LIN52: variants seen among roughly 807,000 people sequenced by gnomAD.
LIN52 encodes lin-52 DREAM MuvB core complex component.
In LIN52, 4 loss-of-function variants were observed where a neutral mutation model predicts 18.5. The observed-to-expected ratio is 0.22, with a 90% CI of 0.11 to 0.49. The LOEUF is 0.49. Ranked by LOEUF, LIN52 falls within the 20% of genes least tolerant of loss-of-function variation. The pLI, the probability that LIN52 is intolerant of heterozygous loss-of-function variation, is 0.97. For missense variants in LIN52, 102 were observed against 139.5 expected (o/e 0.73, Z 1.35); for synonymous variants, 34 against 45.5 (o/e 0.75, Z 1.02).
chr14:74,105,996 G>A (rs1202687568), intron 5 of LIN52, among the ~76,000 whole-genome samples: 3 of 152,172 alleles, frequency 2.0e-5, no homozygotes, highest in Non-Finnish European at 4.4e-5. Context: ...ATTTTGGAAT[G>A]CAGTAACTTT....
chr14:74,101,726 C>T (rs1354064675), intron 5 of LIN52, among the ~76,000 whole-genome samples: 2 of 152,162 alleles, frequency 1.3e-5, no homozygotes, highest in South Asian at 2.1e-4. Context: ...TCCCAAAGTG[C>T]TGGGATTACA....
intron 5 of LIN52, among the ~76,000 whole-genome samples, chr14:74,131,235 G>A (rs2061064987): frequency 6.6e-6 from 1 of 151,896 alleles, no homozygotes; most frequent in East Asian, 1.9e-4. Context: ...GTAAACCCTG[G>A]TGTCAGCTTA....
chr14:74,137,423 C>T (rs185189318), intron 5 of LIN52, among the ~76,000 whole-genome samples: 1 of 151,242 alleles, frequency 6.6e-6, no homozygotes, highest in Admixed American at 6.6e-5. Context: ...AGATCCAGTC[C>T]AAGTTCTGGC....
intron 5 of LIN52, among the ~76,000 whole-genome samples, chr14:74,196,967 A>G (rs2078916202): frequency 6.6e-6 from 1 of 152,194 alleles, no homozygotes; most frequent in East Asian, 1.9e-4. Flanking sequence ...CAAGAAGCCC[A>G]TGCTACCTCC....
intron 5 of LIN52, among the ~76,000 whole-genome samples, chr14:74,136,335 C>T (rs1421187287): frequency 6.6e-6 from 1 of 152,064 alleles, no homozygotes; most frequent in African/African-American, 2.4e-5. Flanking sequence ...TATGCCCAGT[C>T]AATATGTTGA....
At chr14:74,100,361 G>T (rs1293641741) in intron 4 of LIN52, among the ~76,000 whole-genome samples, 1 of 152,084 alleles carries the variant, frequency 6.6e-6, no homozygotes, top group Non-Finnish European at 1.5e-5. Context: ...AGACTGTAGT[G>T]CAGTGGTGCC....
chr14:74,201,145 G>T lies in LIN52; in HGVS notation c.*2168G>T, dbSNP rs1285009262. 1 of 152,160 alleles carries T rather than the reference G, an allele frequency of 6.6e-6. No individual in the cohort carries two copies. The highest frequency in any genetic ancestry group is 2.1e-4 in the South Asian group (1 of 4,826). 9.4% of individuals were successfully genotyped at this position (152,160 alleles called of 1,614,324 possible). On this transcript the variant is annotated 3_prime_UTR_variant, in exon 6 of 6. Transcript: ENST00000555028. The stretch of plus-strand genomic sequence containing the variant: ...TATTGATAATATAAATTTATGTACA[G>T]TATGTGTGTATATGTATTTCAGGAT...
At chr14:74,186,428 A>G (rs2061340959) in intron 5 of LIN52, among the ~76,000 whole-genome samples, 1 of 152,338 alleles carries the variant, frequency 6.6e-6, no homozygotes, top group East Asian at 1.9e-4. Context: ...CTGGGGATAC[A>G]GCAAGAGGTT....
chr14:74,103,895 T>TC (rs1426783810), intron 5 of LIN52, among the ~76,000 whole-genome samples: 3 of 149,422 alleles, frequency 2.0e-5, no homozygotes, highest in African/African-American at 7.5e-5. Flanking sequence ...GCTTTTTCTT[T>TC]CTTTTTTTTT....
At chr14:74,134,357 T>C (rs1403162973) in intron 5 of LIN52, among the ~76,000 whole-genome samples, 2 of 152,170 alleles carry the variant, frequency 1.3e-5, no homozygotes, top group Non-Finnish European at 2.9e-5. Context: ...TTGATTTGCA[T>C]TAACTTGCTA....
At chr14:74,160,670 CACTA>C (rs1265749204) in intron 5 of LIN52, among the ~76,000 whole-genome samples, 1 of 152,174 alleles carries the variant, frequency 6.6e-6, no homozygotes, top group Non-Finnish European at 1.5e-5. Flanking sequence ...GTCTACTAAA[CACTA>C]ACTAACTTAC....
intron 5 of LIN52, among the ~76,000 whole-genome samples, chr14:74,172,798 G>A (rs2061277176): frequency 6.6e-6 from 1 of 152,192 alleles, no homozygotes; most frequent in African/African-American, 2.4e-5. Context: ...GGACTGAATG[G>A]CAACCATGTA....
intron 4 of LIN52, among the ~76,000 whole-genome samples, chr14:74,099,586 TTGTG>T (rs148601338): frequency 2.7e-4 from 40 of 149,458 alleles, no homozygotes; most frequent in Middle Eastern, 7.0e-3. Context: ...AGTATTGTCT[TTGTG>T]TGTGTGTGTG....
chr14:74,144,975 A>G (rs971158718), intron 5 of LIN52, among the ~76,000 whole-genome samples: 1 of 152,220 alleles, frequency 6.6e-6, no homozygotes, highest in Non-Finnish European at 1.5e-5. Flanking sequence ...TAACCTTGAA[A>G]ACAAGGCACG....
intron 5 of LIN52, among the ~76,000 whole-genome samples, chr14:74,138,293 A>G (rs1379262007): frequency 2.0e-5 from 3 of 152,232 alleles, no homozygotes; most frequent in Non-Finnish European, 2.9e-5. Flanking sequence ...ATATTTGTAT[A>G]TAAGAGGAAA....
chr14:74,102,652 G>A (rs2060866036), intron 5 of LIN52, among the ~76,000 whole-genome samples: 1 of 152,122 alleles, frequency 6.6e-6, no homozygotes, highest in East Asian at 1.9e-4. Context: ...TCTAGCTTTG[G>A]ATAATAAATG....
chr14:74,091,098 T>C (rs1381861624), intron 1 of LIN52, 134 bp from the exon 2 acceptor site: 1 of 556,204 alleles, frequency 1.8e-6, no homozygotes, highest in Admixed American at 2.8e-5. Flanking sequence ...CACGGACCAG[T>C]GGCATCAATA....
chr14:74,153,173 C>G (rs906974618), intron 5 of LIN52, among the ~76,000 whole-genome samples: 5 of 152,088 alleles, frequency 3.3e-5, no homozygotes, highest in Admixed American at 2.6e-4. Context: ...AGAGCACATG[C>G]AGATTGTTTC....
At chr14:74,109,756 A>G (rs535962668) in intron 5 of LIN52, among the ~76,000 whole-genome samples, 3 of 152,322 alleles carry the variant, frequency 2.0e-5, no homozygotes, top group Non-Finnish European at 4.4e-5. Flanking sequence ...CAGTTTGCTC[A>G]TTGCTACTAC....
Sources: allele counts gnomAD v4.1 joint callset (sites outside exome capture counted in the v4.1 genomes callset), GRCh38; gene constraint gnomAD v4.1.1; transcripts MANE v1.5; gene names NCBI Gene and HGNC (gene_info 2026-07-23, HGNC 2026-07-21).